The following KEL variants were observed in gnomAD, a reference collection of about 807,000 sequenced individuals.
KEL encodes Kell metallo-endopeptidase (Kell blood group), also known as kell blood group glycoprotein.
KEL carries 96 observed loss-of-function variants against 99.5 expected under a neutral mutation model. The ratio of observed to expected loss-of-function variants is 0.97; its 90% CI spans 0.82 to 1.14. The LOEUF is 1.14. KEL is among the 50% of genes most tolerant of loss of function. The pLI is 0.00. For missense variants in KEL, 926 were observed against 924.2 expected (o/e 1.00, Z -0.03); for synonymous variants, 355 against 354.8 (o/e 1.00, Z -0.01).
At chr7:142,942,234 C>T (rs8176044) in intron 18 of KEL, 200 bp downstream of exon 18, 407,412 of 595,388 alleles carry the variant, frequency 0.68, 141,158 homozygotes, top group East Asian at 0.87. Flanking sequence ...GGGTGCTGAA[C>T]TAGGTAGAAG....
chr7:142,943,223 G>A, intron 16 of KEL, 53 bp downstream of exon 16: 1 of 1,598,610 alleles, frequency 6.3e-7, no homozygotes, highest in South Asian at 1.1e-5. Context: ...CTCCCTTGTG[G>A]TCTTCCCTTA....
At chr7:142,954,013 G>A in intron 8 of KEL, 57 bp from the exon 9 acceptor site, 1 of 1,589,742 alleles carries the variant, frequency 6.3e-7, no homozygotes, top group Middle Eastern at 1.8e-4. Flanking sequence ...AAGGGGAAAG[G>A]GCTTCCCCTT....
At chr7:142,941,830 A>G (rs1796367419) in intron 18 of KEL, among the ~76,000 whole-genome samples, 1 of 145,146 alleles carries the variant, frequency 6.9e-6, no homozygotes, top group African/African-American at 2.6e-5. Context: ...TTTTTGTGAG[A>G]CTGAGTCTTG....
chr7:142,942,870 C>T lies in KEL; in HGVS notation c.1941+5G>A, dbSNP rs116257811. 1.9e-6 allele frequency: 3 copies of T among 1,614,170 alleles called. No individual in the cohort carries two copies. The highest frequency in any genetic ancestry group is 2.7e-5 in the African/African-American group (2 of 75,044). On this transcript the variant is annotated splice_donor_5th_base_variant and intron_variant, in intron 17 of 18. Coordinates refer to ENST00000355265, the MANE Select transcript of KEL (RefSeq NM_000420.3). The stretch of plus-strand genomic sequence containing the variant: ...CATAAACTGTGGCCCTTGACACTTG[C>T]ATACCTGCAGCGCGATGGCTAGCCC...
chr7:142,958,517 C>T, intron 4 of KEL, 89 bp from the exon 5 acceptor site: 2 of 1,251,696 alleles, frequency 1.6e-6, no homozygotes, highest in Non-Finnish European at 2.3e-6. Flanking sequence ...GGAGTCATGC[C>T]CTATATCATA....
intron 10 of KEL, among the ~76,000 whole-genome samples, chr7:142,950,128 CTCACA>C (rs1389179810): frequency 6.6e-6 from 1 of 152,220 alleles, no homozygotes; most frequent in East Asian, 1.9e-4. Flanking sequence ...CATTCTCCTT[CTCACA>C]TCACTCATCA....
Position 142,961,087 on chromosome 7 carries a change from C to T in KEL, c.241G>A (p.Val81Met), listed in dbSNP as rs1391991946. 3 of 1,613,840 alleles carry T rather than the reference C, an allele frequency of 1.9e-6. No individual in the cohort carries two copies. Among genetic ancestry groups the T allele is most frequent in the Non-Finnish European group, 1.7e-6 (2 of 1,180,058 alleles). ...NCGPRPCETS[V>M]CLDLRDHYLA... ...TAATGATCCCGGAGATCCAAACACA[C>T]AGATGTCTCACAGGGGCCTGTGGGG... The change falls in exon 4 of 19, where the codon GTG becomes ATG. Residue 81 changes from valine (V) to methionine (M), a missense_variant. By Grantham distance (21) the Val-to-Met change is conservative. Coordinates refer to ENST00000355265, the MANE Select transcript of KEL (RefSeq NM_000420.3).
chr7:142,957,859 G>A lies in KEL; in HGVS notation c.640C>T (p.His214Tyr). ...FPFFRAYLGPHPASPHTPVIQ... is the reference protein window; with the variant it reads ...FPFFRAYLGPYPASPHTPVIQ... ...ACTGGTGTGTGTGGAGAGGCAGGATGAGGTCCTAGGTAGGCTCTGAAGAAA... is the reference window on the plus strand; with the variant it reads ...ACTGGTGTGTGTGGAGAGGCAGGATAAGGTCCTAGGTAGGCTCTGAAGAAA... Residue 214 changes from histidine (H) to tyrosine (Y), a missense_variant, in exon 6 of 19, where the codon CAT becomes TAT. Physicochemically the swap from His to Tyr is moderately conservative, Grantham distance 83 (BLOSUM62 2). Coordinates refer to ENST00000355265, the MANE Select transcript of KEL (RefSeq NM_000420.3). The A allele has an allele frequency of 6.2e-7, 1 of 1,614,128 alleles. No individual in the cohort carries two copies. The highest frequency in any genetic ancestry group is 1.1e-5 in the South Asian group (1 of 91,080).
At chr7:142,953,414 C>T in intron 9 of KEL, 1 of 984,076 alleles carries the variant, frequency 1.0e-6, no homozygotes, top group Non-Finnish European at 1.2e-6. Context: ...CATGTGCCTC[C>T]TCCTCCTGCC....
chr7:142,954,555 C>T, intron 6 of KEL, 28 bp from the exon 7 acceptor site: 2 of 1,610,808 alleles, frequency 1.2e-6, no homozygotes, highest in East Asian at 4.5e-5. Flanking sequence ...TGGAGAGAAG[C>T]AGGGAGCATG....
rs751024420 is a variant in KEL at position 142,958,344 on chromosome 7, T to C, written c.485A>G (p.Glu162Gly). Reference sequence around the variant, plus strand: ...TCTGAGGGGACCAGTCCCTGCAGCTTCAATGGCAAGTGTATCCATGCAGGA... The same window carrying C: ...TCTGAGGGGACCAGTCCCTGCAGCTCCAATGGCAAGTGTATCCATGCAGGA... ...YNSCMDTLAI[E>G]AAGTGPLRQV... The change falls in exon 5 of 19, where the codon GAA becomes GGA. Residue 162 changes from glutamate to glycine, a missense_variant. Physicochemically the swap from Glu to Gly is moderately conservative, Grantham distance 98. Transcript: ENST00000355265. 6.2e-7 allele frequency: 1 copy of C among 1,614,040 alleles called. No homozygotes were observed. Among genetic ancestry groups the C allele is most frequent in the East Asian group, 2.2e-5 (1 of 44,892 alleles).
At chr7:142,952,235 T>C (rs1410729047) in intron 10 of KEL, among the ~76,000 whole-genome samples, 2 of 152,118 alleles carry the variant, frequency 1.3e-5, no homozygotes, top group East Asian at 3.9e-4. Flanking sequence ...GTTTTGATAA[T>C]ATCAGAGTTT....
chr7:142,960,465 G>T (rs116129242), intron 4 of KEL, among the ~76,000 whole-genome samples: 2,383 of 152,246 alleles, frequency 0.016, 67 homozygotes, highest in African/African-American at 0.054. Flanking sequence ...GTTAGAGAAT[G>T]AGAGTGATGG....
chr7:142,949,750 C>T (rs1796630397), intron 10 of KEL, among the ~76,000 whole-genome samples: 1 of 152,184 alleles, frequency 6.6e-6, no homozygotes, highest in South Asian at 2.1e-4. Context: ...CGAAGATACA[C>T]TGAATAAAAT....
chr7:142,941,528 C>T lies in KEL; in HGVS notation c.2038-115G>A, dbSNP rs536016421. 142 of 942,614 alleles carry T rather than the reference C, an allele frequency of 1.5e-4. No individual in the cohort carries two copies. The African/African-American group carries it at 1.9e-3, about 13-fold the overall frequency. The allele number at this position is 942,614 out of a possible 1,614,324, so 58.4% of individuals were successfully genotyped here. On this transcript the variant is annotated intron_variant, in intron 18 of 18. Transcript: ENST00000355265. Reference sequence around the variant, plus strand: ...AGGGGAACCAGGGGATCAAGTGCCCCAAGGGCCACATGGAGCATTTGAAAT... The same window carrying T: ...AGGGGAACCAGGGGATCAAGTGCCCTAAGGGCCACATGGAGCATTTGAAAT...
intron 6 of KEL, among the ~76,000 whole-genome samples, chr7:142,957,184 A>G (rs1796847604): frequency 6.6e-6 from 1 of 152,208 alleles, no homozygotes; most frequent in African/African-American, 2.4e-5. Flanking sequence ...GAGATAATAA[A>G]GCCAACATTT....
In KEL at chr7:142,941,265, C is replaced by T; in HGVS notation, c.2186G>A (p.Cys729Tyr). 6.2e-7 allele frequency: 1 copy of T among 1,614,116 alleles called. No individual in the cohort carries two copies. The highest frequency in any genetic ancestry group is 8.5e-7 in the Non-Finnish European group (1 of 1,180,042). Reference protein sequence around the residue: ...RGALLNPSSRCQLW With the variant: ...RGALLNPSSRYQLW ...TTGGTAACCAAGTTACCAGAGCTGG[C>T]AGCGGCTGGAGGGGTTCAAGAGAGC... The change falls in exon 19 of 19, where the codon TGC (cysteine) becomes TAC (tyrosine). Residue 729 changes from cysteine to tyrosine, a missense_variant. Coordinates refer to ENST00000355265, the MANE Select transcript of KEL (RefSeq NM_000420.3).
intron 6 of KEL, among the ~76,000 whole-genome samples, chr7:142,956,523 C>G (rs1796834382): frequency 1.3e-5 from 2 of 151,920 alleles, no homozygotes; most frequent in Admixed American, 1.3e-4. Flanking sequence ...TCTTCAGTCT[C>G]ACTTTTACCT....
At chr7:142,947,801 G>T (rs927301214) in intron 10 of KEL, among the ~76,000 whole-genome samples, 2 of 152,318 alleles carry the variant, frequency 1.3e-5, no homozygotes, top group African/African-American at 4.8e-5. Context: ...GGGATTGCAG[G>T]CAAGAGCCAC....
Sources: allele counts gnomAD v4.1 joint callset (sites outside exome capture counted in the v4.1 genomes callset), GRCh38; gene constraint gnomAD v4.1.1; transcripts MANE v1.5; gene names NCBI Gene and HGNC (gene_info 2026-07-23, HGNC 2026-07-21).